Variants in NIPAL3 observed in about 807,000 individuals in gnomAD.
NIPAL3 encodes the protein NIPA-like protein 3.
NIPAL3 carries 41 observed loss-of-function variants against 47.2 expected under a neutral mutation model. That is an observed-to-expected ratio of 0.87 (90% CI 0.68 to 1.13). The LOEUF is 1.13. Among genes scored for constraint, NIPAL3 ranks in the 50% most tolerant of loss-of-function variants. NIPAL3 has a pLI of 0.00. For missense variants in NIPAL3, 449 were observed against 530.1 expected, an observed-to-expected ratio of 0.85 and a Z score of 1.50; for synonymous variants, 194 against 209.6, an observed-to-expected ratio of 0.93 and a Z score of 0.64.
At position 24,461,849 on chromosome 1, in the gene NIPAL3, G is replaced by C. The variant is rs180811344; in HGVS notation, c.926+1305G>C. Among the ~76,000 whole-genome samples, 92 of 150,832 alleles carry C rather than the reference G, an allele frequency of 6.1e-4. 1 individual carries two copies. Among genetic ancestry groups the C allele is most frequent in the Middle Eastern group, 6.8e-3 (2 of 294 alleles). ...ATGCCATTGCATGCCTGGACAATGA[G>C]AGCATAAGTCTGTCTCAAAAAAAAA... On this transcript the variant is annotated intron_variant, in intron 10 of 11. Coordinates refer to ENST00000374399, the MANE Select transcript of NIPAL3 (RefSeq NM_020448.5).
At position 24,416,007 on chromosome 1, in the gene NIPAL3, C is replaced by T. The variant is rs1161138571; in HGVS notation, c.-258+103C>T. The T allele has an allele frequency of 1.0e-6, 1 of 985,360 alleles. No homozygotes were observed. Among genetic ancestry groups the T allele is most frequent in the Non-Finnish European group, 1.2e-6 (1 of 829,990 alleles). The allele number at this position is 985,360 out of a possible 1,614,324, so 61.0% of individuals were successfully genotyped here. ...AACGTCCCCTAGTGTACATACCCTT[C>T]CTTCTTACTGTCACCAGCCTCGCCA... On this transcript the variant is annotated intron_variant, in intron 1 of 11. Coordinates refer to ENST00000374399, the MANE Select transcript of NIPAL3 (RefSeq NM_020448.5). The surrounding 1 kb of genome is among the most constrained non-coding windows in gnomAD (Gnocchi z 4.8).
rs565323652 is a variant in NIPAL3, at chr1:24,466,164, C to A, written c.1021+2044C>A. The A allele has an allele frequency of 1.1e-5, 16 of 1,442,200 alleles. No individual in the cohort carries two copies. In the Admixed American group the frequency reaches 1.8e-4, roughly 16 times the overall value. The allele number at this position is 1,442,200 out of a possible 1,614,324, so 89.3% of individuals were successfully genotyped here. ...CCCTGACCTCCAGGAACTAGCCTGG[C>A]ACTCTCAGCCAGGCCTTGGCCCTTT... On this transcript the variant is annotated intron_variant, in intron 11 of 11. Coordinates refer to ENST00000374399, the MANE Select transcript of NIPAL3 (RefSeq NM_020448.5).
Position 24,469,170 on chromosome 1 carries a change from C to T in NIPAL3, c.1206C>T (p.His402=). ...GGGTCCCCTACCGAGTCCTAGAGCA[C>T]ACCAAGAAGGAATGAGACTCGCCTC... ...ASGVPYRVLE[H]TKKE is the part of the protein sequence containing the mutation. Residue 402 remains histidine (H), a synonymous_variant, in exon 12 of 12, where the codon CAC becomes CAT. Transcript: ENST00000374399. The T allele has an allele frequency of 6.2e-7, 1 of 1,613,712 alleles. No homozygotes were observed. Among genetic ancestry groups the T allele is most frequent in the Non-Finnish European group, 8.5e-7 (1 of 1,179,894 alleles).
intron 4 of NIPAL3, among the ~76,000 whole-genome samples, chr1:24,442,841 G>A (rs926900245): frequency 3.3e-5 from 5 of 152,182 alleles, no homozygotes; most frequent in African/African-American, 1.2e-4. Context: ...ATGGTGGTAT[G>A]CATCTGTGGT....
chr1:24,431,506 C>G (rs894549665), intron 2 of NIPAL3, among the ~76,000 whole-genome samples: 10 of 152,156 alleles, frequency 6.6e-5, no homozygotes, highest in African/African-American at 2.4e-4. Flanking sequence ...GTCCTTGCAA[C>G]CCTGATTTCT....
chr1:24,449,189 TTCTC>T lies in NIPAL3; in HGVS notation c.395-291_395-288del, dbSNP rs1222763103. ...TTTCAGTATCTGGCTAATGTTCTCT[TTCTC>T]CATCTGGGAGCTGGTTTCATGAGTG... On this transcript the variant is annotated intron_variant, in intron 5 of 11. Transcript: ENST00000374399. This position sits in a 1 kb window ranked among gnomAD's most constrained non-coding sequence, Gnocchi z 4.5. Among the ~76,000 whole-genome samples the T allele has an allele frequency of 6.6e-6, 1 of 152,244 alleles. No individual in the cohort carries two copies. The highest frequency in any genetic ancestry group is 2.4e-5 in the African/African-American group (1 of 41,470).
At chr1:24,425,884 C>T (rs1312107833) in intron 2 of NIPAL3, among the ~76,000 whole-genome samples, 1 of 152,214 alleles carries the variant, frequency 6.6e-6, no homozygotes, top group Non-Finnish European at 1.5e-5. Context: ...GTCACCTTTT[C>T]ATCCATGAAG....
At chr1:24,447,321 A>T (rs943221433) in intron 5 of NIPAL3, among the ~76,000 whole-genome samples, 2 of 152,240 alleles carry the variant, frequency 1.3e-5, no homozygotes, top group Non-Finnish European at 2.9e-5. Context: ...ATTTGTGAGA[A>T]AACAAGTATA....
intron 2 of NIPAL3, among the ~76,000 whole-genome samples, chr1:24,426,420 G>A (rs539405305): frequency 2.0e-5 from 3 of 151,958 alleles, no homozygotes; most frequent in African/African-American, 4.8e-5. Flanking sequence ...TCAGCCTCCC[G>A]GGTAGCTGGG....
At chr1:24,448,666 G>A (rs1218817169) in intron 5 of NIPAL3, among the ~76,000 whole-genome samples, 2 of 140,062 alleles carry the variant, frequency 1.4e-5, no homozygotes, top group East Asian at 3.8e-4. Flanking sequence ...CAAAATGTAA[G>A]TGTTGACAAG....
chr1:24,439,958 G>A (rs909225612), intron 2 of NIPAL3, among the ~76,000 whole-genome samples: 1 of 152,256 alleles, frequency 6.6e-6, no homozygotes, highest in African/African-American at 2.4e-5. Flanking sequence ...GGCCACCAAA[G>A]TATCCAATTC....
At chr1:24,457,833 G>T (rs761123186) in intron 8 of NIPAL3, 2 of 532,828 alleles carry the variant, frequency 3.8e-6, no homozygotes, top group Non-Finnish European at 7.7e-6. Flanking sequence ...GGAAATGCCC[G>T]GTAAACATGA....
At chr1:24,464,188 A>G (rs1321897695) in intron 11 of NIPAL3, 68 bp downstream of exon 11, 26 of 1,208,790 alleles carry the variant, frequency 2.2e-5, no homozygotes, top group Admixed American at 9.8e-5. Flanking sequence ...CTGTTTAAAA[A>G]GAGACAACCA....
At position 24,471,799 on chromosome 1, in the gene NIPAL3, A is replaced by AGGTAACTTG. The variant is rs1448815580; in HGVS notation, c.*2614_*2615insGGTAACTTG. On this transcript the variant is annotated 3_prime_UTR_variant, in exon 12 of 12. Coordinates refer to ENST00000374399, the MANE Select transcript of NIPAL3 (RefSeq NM_020448.5). The stretch of plus-strand genomic sequence containing the variant: ...AGTTACCTTCTCCGAGCCTGCAAGA[A>AGGTAACTTG]CAAAAAACAAAAAGCAGAAATTAAA... The AGGTAACTTG allele has an allele frequency of 6.6e-6, 1 of 152,142 alleles. No individual in the cohort carries two copies. Among genetic ancestry groups the AGGTAACTTG allele is most frequent in the Non-Finnish European group, 1.5e-5 (1 of 68,038 alleles). The allele number at this position is 152,142 out of a possible 1,614,324, so 9.4% of individuals were successfully genotyped here.
upstream of NIPAL3, chr1:24,415,203 A>T (rs1250267360): frequency 1.3e-5 from 2 of 152,188 alleles, no homozygotes; most frequent in Non-Finnish European, 2.9e-5. Context: ...AATTATGTAC[A>T]TTATAGAAAC....
chr1:24,458,838 C>T, intron 8 of NIPAL3, 50 bp from the exon 9 acceptor site: 4 of 1,422,122 alleles, frequency 2.8e-6, no homozygotes, highest in Non-Finnish European at 3.0e-6. Flanking sequence ...CAGCTCTTAG[C>T]CTTTCCAACG....
chr1:24,467,281 G>A (rs894299674), intron 11 of NIPAL3, among the ~76,000 whole-genome samples: 1 of 148,892 alleles, frequency 6.7e-6, no homozygotes, highest in African/African-American at 2.5e-5. Context: ...GGCTAACACG[G>A]TGAAACCCCG....
Position 24,416,495 on chromosome 1 carries a change from CT to C in NIPAL3, c.-258+592del. 1 of 228,970 alleles carries C rather than the reference CT, an allele frequency of 4.4e-6. No individual in the cohort carries two copies. Among genetic ancestry groups the C allele is most frequent in the Non-Finnish European group, 7.2e-6 (1 of 138,274 alleles). 14.2% of individuals were successfully genotyped at this position (228,970 alleles called of 1,614,324 possible). A position where few individuals can be genotyped will look rare whatever the true frequency, so the allele number is the denominator to read the frequency against. On this transcript the variant is annotated intron_variant, in intron 1 of 11. Coordinates refer to ENST00000374399, the MANE Select transcript of NIPAL3 (RefSeq NM_020448.5). The surrounding 1 kb of genome is among the most constrained non-coding windows in gnomAD (Gnocchi z 4.8). ...TACAGACGCTATGAGCCACGGCTGT[CT>C]CATTTGTAAAACGTGCTCTGTGGGA...
chr1:24,451,461 C>T lies in NIPAL3; in HGVS notation c.540+1835C>T, dbSNP rs1019498574. Among the ~76,000 whole-genome samples, 8 of 151,772 alleles carry T rather than the reference C, an allele frequency of 5.3e-5. No homozygotes were observed. The highest frequency in any genetic ancestry group is 2.1e-4 in the South Asian group (1 of 4,800). ...CTATAATCTCAGCACTTTGGGAGGC[C>T]GAGGTAGGAGGATTGCTTGAGCCCA... is the stretch of plus-strand genomic sequence containing the variant. On this transcript the variant is annotated intron_variant, in intron 6 of 11. Transcript: ENST00000374399. The surrounding 1 kb of genome is among the most constrained non-coding windows in gnomAD (Gnocchi z 4.5).
Sources: allele counts gnomAD v4.1 joint callset (sites outside exome capture counted in the v4.1 genomes callset), GRCh38; gene constraint gnomAD v4.1.1; non-coding constraint Gnocchi (gnomAD v3.1); transcripts MANE v1.5; gene names NCBI Gene and HGNC (gene_info 2026-07-23, HGNC 2026-07-21).